The following MARS1 variants were observed in gnomAD, a reference collection of about 807,000 sequenced individuals.
MARS1 encodes methionyl-tRNA synthetase 1, also known as methionine--tRNA ligase, cytoplasmic.
MARS1 carries 80 observed loss-of-function variants against 119.5 expected under a neutral mutation model. The observed-to-expected ratio is 0.67, with a 90% CI of 0.56 to 0.81. The LOEUF is 0.81. Among genes scored for constraint, MARS1 ranks in the 30% least tolerant of loss-of-function variants. MARS1 has a pLI of 0.00. For synonymous variants in MARS1, 418 were observed against 433.4 expected, an observed-to-expected ratio of 0.96 and a Z score of 0.44; for missense variants, 945 against 1,116.5, an observed-to-expected ratio of 0.85 and a Z score of 2.19.
chr12:57,503,061 A>T (rs1036678539), intron 10 of MARS1, among the ~76,000 whole-genome samples: 13 of 152,246 alleles, frequency 8.5e-5, no homozygotes, highest in African/African-American at 3.1e-4. Context: ...ACAAAACTCT[A>T]CTACAAAGCC....
At chr12:57,499,930 A>G (rs1377847587) in intron 9 of MARS1, among the ~76,000 whole-genome samples, 2 of 152,176 alleles carry the variant, frequency 1.3e-5, no homozygotes, top group Admixed American at 6.5e-5. Flanking sequence ...AAAACTTTAC[A>G]TAGTAGACAG....
At chr12:57,500,259 G>T in intron 9 of MARS1, 62 bp from the exon 10 acceptor site, 1 of 1,405,874 alleles carries the variant, frequency 7.1e-7, no homozygotes, top group Non-Finnish European at 1.0e-6. Flanking sequence ...TGGAGTGGCA[G>T]GAGGAAGGGG....
intron 2 of MARS1, 69 bp from the exon 3 acceptor site, chr12:57,489,198 C>A: frequency 6.3e-7 from 1 of 1,599,682 alleles, no homozygotes; most frequent in Non-Finnish European, 8.6e-7. Flanking sequence ...CCATTGTTTC[C>A]CTGTGTGATG....
At chr12:57,503,985 GT>G (rs900190801) in intron 10 of MARS1, 12 of 539,854 alleles carry the variant, frequency 2.2e-5, no homozygotes, top group East Asian at 6.4e-5. Flanking sequence ...TTCAGAGAAT[GT>G]TTTTTTTACT....
Position 57,516,569 on chromosome 12 carries a change from G to A in MARS1, c.2691G>A (p.Lys897=). Residue 897 remains lysine, a synonymous_variant, in exon 21 of 21, where the codon AAG becomes AAA. Coordinates refer to ENST00000262027, the MANE Select transcript of MARS1 (RefSeq NM_004990.4). ...EGKPPEAPKG[K]KKK is the part of the protein sequence containing the mutation. ...AACCCCCTGAAGCCCCTAAAGGCAA[G>A]AAGAAAAAGTAAAAGACCTTGGCTC... The A allele has an allele frequency of 6.3e-7, 1 of 1,576,682 alleles. No individual in the cohort carries two copies.
chr12:57,499,284 CAAAAAAAAAAAA>C (rs35924774), intron 9 of MARS1, among the ~76,000 whole-genome samples: 2 of 37,912 alleles, frequency 5.3e-5, no homozygotes, highest in Non-Finnish European at 9.8e-5. Context: ...AACTCTGTCT[CAAAAAAAAAAAA>C]AAAAAAAAAA....
intron 11 of MARS1, among the ~76,000 whole-genome samples, chr12:57,507,050 ACT>A (rs1355113658): frequency 2.0e-5 from 3 of 147,168 alleles, no homozygotes; most frequent in Non-Finnish European, 4.5e-5. Flanking sequence ...AGTGGTGATG[ACT>A]CTTAACGAGC....
At chr12:57,516,202 G>T in intron 19 of MARS1, 43 bp from the exon 20 acceptor site, 1 of 1,563,524 alleles carries the variant, frequency 6.4e-7, no homozygotes, top group Non-Finnish European at 8.8e-7. Flanking sequence ...CTGGAGGTTA[G>T]GGGATATTTA....
rs993123245 is a variant in MARS1 at position 57,504,172 on chromosome 12, A to C, written c.1294-53A>C. Reference sequence around the variant, plus strand: ...CTTCTCTGCTCCTCCCCTTGCCTGGACCCCTCCCCTGGCCTGCAGGCCTGA... The same window carrying C: ...CTTCTCTGCTCCTCCCCTTGCCTGGCCCCCTCCCCTGGCCTGCAGGCCTGA... On this transcript the variant is annotated intron_variant, in intron 10 of 20. Transcript: ENST00000262027. 1.6e-5 allele frequency: 20 copies of C among 1,286,244 alleles called. No homozygotes were observed. In the Admixed American group the frequency reaches 3.2e-4, roughly 21 times the overall value. 79.7% of individuals were successfully genotyped at this position (1,286,244 alleles called of 1,614,324 possible).
intron 18 of MARS1, among the ~76,000 whole-genome samples, 189 bp from the exon 19 acceptor site, chr12:57,515,731 C>A (rs12829556): frequency 6.6e-6 from 1 of 152,154 alleles, no homozygotes; most frequent in African/African-American, 2.4e-5. Context: ...GAATCTTTGA[C>A]CCTACAAATT....
Position 57,489,979 on chromosome 12 carries a change from C to A in MARS1, c.490+8C>A. On this transcript the variant is annotated splice_region_variant and intron_variant, in intron 5 of 20. Transcript: ENST00000262027. ...ATCCCGCCTACCTCCCTGGTGAGAACTGTGCATATCACTCCAACCCTAGGA... is the reference window on the plus strand; with the variant it reads ...ATCCCGCCTACCTCCCTGGTGAGAAATGTGCATATCACTCCAACCCTAGGA... 6.2e-7 allele frequency: 1 copy of A among 1,612,844 alleles called. No homozygotes were observed. The highest frequency in any genetic ancestry group is 8.5e-7 in the Non-Finnish European group (1 of 1,178,826).
chr12:57,499,614 A>T (rs2140018630), intron 9 of MARS1, among the ~76,000 whole-genome samples: 1 of 142,810 alleles, frequency 7.0e-6, no homozygotes, highest in East Asian at 2.1e-4. Flanking sequence ...AAAAAAAAAA[A>T]AAAGGGCTGG....
chr12:57,489,053 C>A lies in MARS1; in HGVS notation c.144C>A (p.Val48=), dbSNP rs1018358556. Reference sequence around the variant, plus strand: ...TCCCGTTCCTGACCCGGCCTAAGGTCCCTGTCTTGCAGCTGGATAGCGGCA... The same window carrying A: ...TCCCGTTCCTGACCCGGCCTAAGGTACCTGTCTTGCAGCTGGATAGCGGCA... The part of the protein sequence containing the change: ...CVVPFLTRPK[V]PVLQLDSGNY... The change falls in exon 2 of 21, where the codon GTC becomes GTA. Residue 48 remains valine, a synonymous_variant. Coordinates refer to ENST00000262027, the MANE Select transcript of MARS1 (RefSeq NM_004990.4). 1 of 1,614,036 alleles carries A rather than the reference C, an allele frequency of 6.2e-7. No homozygotes were observed.
chr12:57,500,507 T>G lies in MARS1; in HGVS notation c.1278T>G (p.Asn426Lys), dbSNP rs767132960. ...GTGACAAGTGTGGCAAGCTCATCAA[T>G]GCTGTCGAGCTTAAGGTAAGAGGAG... Reference protein sequence around the residue: ...DQCDKCGKLINAVELKKPQCK... With the variant: ...DQCDKCGKLIKAVELKKPQCK... The change falls in exon 10 of 21, where the codon AAT becomes AAG. Residue 426 changes from asparagine (N) to lysine (K), a missense_variant. Transcript: ENST00000262027. 50 of 1,614,006 alleles carry G rather than the reference T, an allele frequency of 3.1e-5. No homozygotes were observed. The highest frequency in any genetic ancestry group is 3.8e-5 in the Non-Finnish European group (45 of 1,180,016).
intron 11 of MARS1, among the ~76,000 whole-genome samples, chr12:57,507,300 C>A (rs1336414627): frequency 6.7e-6 from 1 of 149,282 alleles, no homozygotes; most frequent in Non-Finnish European, 1.5e-5. Context: ...TTTTCCCCAC[C>A]TTTCCCCCCT....
intron 7 of MARS1, among the ~76,000 whole-genome samples, chr12:57,492,546 C>T (rs796912729): frequency 3.3e-5 from 5 of 150,486 alleles, no homozygotes; most frequent in African/African-American, 9.8e-5. Flanking sequence ...TGGCTCGTGC[C>T]TGTAATCCCT....
chr12:57,492,671 A>T (rs796407104), intron 7 of MARS1, among the ~76,000 whole-genome samples: 61 of 9,442 alleles, frequency 6.5e-3, no homozygotes, highest in African/African-American at 0.029. Context: ...ACTCCATTTC[A>T]CACACACACA....
At position 57,490,414 on chromosome 12, in the gene MARS1, GGGAGGTGGCTA is replaced by G. The variant is rs1875845821; in HGVS notation, c.663+40_663+50del. 1.9e-6 allele frequency: 3 copies of G among 1,610,746 alleles called. No individual in the cohort carries two copies. In the African/African-American group the frequency reaches 4.0e-5, roughly 22 times the overall value. On this transcript the variant is annotated intron_variant, in intron 6 of 20. Coordinates refer to ENST00000262027, the MANE Select transcript of MARS1 (RefSeq NM_004990.4). ...AGGGCAGAGCCTTGGGGCCTGAGGTGGGAGGTGGCTAGGAGATGGACTTTGAGCATGGCCAC... is the reference window on the plus strand; with the variant it reads ...AGGGCAGAGCCTTGGGGCCTGAGGTGGGAGATGGACTTTGAGCATGGCCAC...
intron 7 of MARS1, among the ~76,000 whole-genome samples, chr12:57,493,806 TAATG>T (rs1231656356): frequency 7.9e-4 from 1 of 1,266 alleles, no homozygotes; most frequent in Non-Finnish European, 2.1e-3. Context: ...TTATATTATA[TAATG>T]TATATTATAT....
Sources: allele counts gnomAD v4.1 joint callset (sites outside exome capture counted in the v4.1 genomes callset), GRCh38; gene constraint gnomAD v4.1.1; transcripts MANE v1.5; gene names NCBI Gene and HGNC (gene_info 2026-07-23, HGNC 2026-07-21).